Variants in LYPD6B observed in about 807,000 individuals in gnomAD.
LYPD6B encodes the protein ly6/PLAUR domain-containing protein 6B.
A neutral mutation model predicts 22.8 loss-of-function variants in LYPD6B; 17 were observed. The ratio of observed to expected loss-of-function variants is 0.75; its 90% CI spans 0.51 to 1.12. The LOEUF is 1.12. Among genes scored for constraint, LYPD6B ranks in the 50% most tolerant of loss-of-function variants. LYPD6B has a pLI of 0.00. For synonymous variants in LYPD6B, 106 were observed against 91.6 expected, an observed-to-expected ratio of 1.16 and a Z score of -0.90; for missense variants, 221 against 258.3, an observed-to-expected ratio of 0.86 and a Z score of 0.99.
At chr2:149,189,365 T>TATATATATATATATATAC (rs1559066292) in intron 3 of LYPD6B, among the ~76,000 whole-genome samples, 8 of 93,254 alleles carry the variant, frequency 8.6e-5, no homozygotes, top group Non-Finnish European at 1.9e-4. Context: ...TATATATATA[T>TATATATATATATATATAC]ATACACACAC....
intron 1 of LYPD6B, among the ~76,000 whole-genome samples, chr2:149,058,185 T>C (rs1333051729): frequency 6.6e-6 from 1 of 152,218 alleles, no homozygotes; most frequent in Admixed American, 6.5e-5. Context: ...TTGGACTAAA[T>C]GCGTGATTTT....
intron 2 of LYPD6B, among the ~76,000 whole-genome samples, chr2:149,145,486 T>A (rs1191222141): frequency 6.6e-6 from 1 of 152,148 alleles, no homozygotes; most frequent in East Asian, 1.9e-4. Context: ...GTGAACACAC[T>A]GGGATGCTTT....
At chr2:149,052,314 C>G (rs897154588) in intron 1 of LYPD6B, among the ~76,000 whole-genome samples, 1 of 152,152 alleles carries the variant, frequency 6.6e-6, no homozygotes, top group Non-Finnish European at 1.5e-5. Context: ...CTCAGCATCC[C>G]AAAGTGCTGG....
chr2:149,110,207 A>G (rs1686691061), intron 1 of LYPD6B, among the ~76,000 whole-genome samples: 1 of 152,002 alleles, frequency 6.6e-6, no homozygotes, highest in African/African-American at 2.4e-5. Context: ...GTACTTTTTC[A>G]TATATATTTC....
chr2:149,058,898 G>T (rs889751184), intron 1 of LYPD6B, among the ~76,000 whole-genome samples: 1 of 152,240 alleles, frequency 6.6e-6, no homozygotes, highest in Non-Finnish European at 1.5e-5. Flanking sequence ...GGGATTACAG[G>T]CATGAGCCAC....
At chr2:149,186,180 C>T (rs72859074) in intron 3 of LYPD6B, among the ~76,000 whole-genome samples, 1 of 152,350 alleles carries the variant, frequency 6.6e-6, no homozygotes, top group Non-Finnish European at 1.5e-5. Flanking sequence ...AGCTCGGCCT[C>T]TTGTGCCAAA....
chr2:149,088,246 C>A (rs1198467193), intron 1 of LYPD6B, among the ~76,000 whole-genome samples: 1 of 151,726 alleles, frequency 6.6e-6, no homozygotes, highest in East Asian at 1.9e-4. Flanking sequence ...ACCTATAACT[C>A]TCTCAGAGGT....
intron 3 of LYPD6B, among the ~76,000 whole-genome samples, chr2:149,174,558 T>C (rs1691117218): frequency 6.6e-6 from 1 of 152,160 alleles, no homozygotes; most frequent in African/African-American, 2.4e-5. Flanking sequence ...GATATGGTCC[T>C]TTAATACCTA....
intron 3 of LYPD6B, among the ~76,000 whole-genome samples, chr2:149,171,833 TA>T: frequency 6.6e-6 from 1 of 152,306 alleles, no homozygotes; most frequent in Non-Finnish European, 1.5e-5. Context: ...GGATCTACAA[TA>T]AAAACCAATG....
chr2:149,134,048 C>G lies in LYPD6B; in HGVS notation c.5+3095C>G, dbSNP rs570471947. On this transcript the variant is annotated intron_variant, in intron 2 of 6. Coordinates refer to ENST00000409642, the MANE Select transcript of LYPD6B (RefSeq NM_177964.5). ...GGAAGGAAGAGTAAGCAAAGCAAGC[C>G]AGCAGGGAAGGGGGCTGGGGAATGC... is the stretch of plus-strand genomic sequence containing the variant. Among the ~76,000 whole-genome samples, 9 of 152,136 alleles carry G rather than the reference C, an allele frequency of 5.9e-5. No homozygotes were observed. The South Asian group carries it at 1.9e-3, about 32-fold the overall frequency.
At chr2:149,128,654 T>C (rs1178427896) in intron 1 of LYPD6B, among the ~76,000 whole-genome samples, 2 of 152,232 alleles carry the variant, frequency 1.3e-5, no homozygotes, top group Non-Finnish European at 2.9e-5. Flanking sequence ...AGAGGGTCTT[T>C]GAATGTGAAC....
At chr2:149,066,747 C>T (rs1157050603) in intron 1 of LYPD6B, among the ~76,000 whole-genome samples, 1 of 151,992 alleles carries the variant, frequency 6.6e-6, no homozygotes, top group Non-Finnish European at 1.5e-5. Context: ...TCTCCCTTCT[C>T]TTCTCTTCTC....
At chr2:149,053,358 T>C (rs1683650145) in intron 1 of LYPD6B, among the ~76,000 whole-genome samples, 3 of 152,216 alleles carry the variant, frequency 2.0e-5, no homozygotes, top group Non-Finnish European at 1.5e-5. Context: ...CATTGTACCT[T>C]TAGGATATTT....
intron 2 of LYPD6B, among the ~76,000 whole-genome samples, chr2:149,153,412 C>T (rs868444363): frequency 2.6e-5 from 4 of 151,948 alleles, no homozygotes; most frequent in East Asian, 1.9e-4. Context: ...TGGACAGTGT[C>T]GTGGGATGGT....
At chr2:149,181,567 G>GT (rs1158205427) in intron 3 of LYPD6B, among the ~76,000 whole-genome samples, 1 of 152,132 alleles carries the variant, frequency 6.6e-6, no homozygotes, top group Admixed American at 6.5e-5. Flanking sequence ...GGAGAACACT[G>GT]TATCAACTTC....
At chr2:149,126,551 T>C (rs746725334) in intron 1 of LYPD6B, among the ~76,000 whole-genome samples, 8 of 152,142 alleles carry the variant, frequency 5.3e-5, no homozygotes, top group African/African-American at 1.9e-4. Context: ...ATCCTTGTCA[T>C]CTTTACATTG....
At chr2:149,153,443 CAT>C (rs1350965488) in intron 2 of LYPD6B, among the ~76,000 whole-genome samples, 2 of 151,974 alleles carry the variant, frequency 1.3e-5, no homozygotes, top group Admixed American at 6.5e-5. Context: ...TTAAGGCAGA[CAT>C]GTGGTATGAT....
At position 149,205,418 on chromosome 2, in the gene LYPD6B, G is replaced by T. The variant is rs369480877; in HGVS notation, c.229+14G>T. 791 of 1,612,576 alleles carry T rather than the reference G, an allele frequency of 4.9e-4. 1 individual carries two copies. Among genetic ancestry groups the T allele is most frequent in the Non-Finnish European group, 6.2e-4 (727 of 1,179,310 alleles). Reference sequence around the variant, plus strand: ...CTCCTCTCGACCGTAAGTAGTGGTGGTTGCCATCCTAGTTCATGGCTGTGG... The same window carrying T: ...CTCCTCTCGACCGTAAGTAGTGGTGTTTGCCATCCTAGTTCATGGCTGTGG... On this transcript the variant is annotated intron_variant, in intron 4 of 6. Coordinates refer to ENST00000409642, the MANE Select transcript of LYPD6B (RefSeq NM_177964.5).
intron 3 of LYPD6B, among the ~76,000 whole-genome samples, chr2:149,174,969 G>C (rs1691161469): frequency 6.6e-6 from 1 of 150,828 alleles, no homozygotes; most frequent in South Asian, 2.1e-4. Flanking sequence ...AAAATTTATA[G>C]TCTAGTGAAG....
Sources: allele counts gnomAD v4.1 joint callset (sites outside exome capture counted in the v4.1 genomes callset), GRCh38; gene constraint gnomAD v4.1.1; transcripts MANE v1.5; gene names NCBI Gene and HGNC (gene_info 2026-07-23, HGNC 2026-07-21).